The following BANK1 variants were observed in gnomAD, a reference collection of about 807,000 sequenced individuals.
The protein encoded by BANK1 is B cell scaffold protein with ankyrin repeats 1.
Under a neutral mutation model 94.5 loss-of-function variants are expected in BANK1, and 95 were observed. That is an observed-to-expected ratio of 1.00 (90% CI 0.85 to 1.19). The LOEUF is 1.19. Among genes scored for constraint, BANK1 ranks in the 50% most tolerant of loss-of-function variants. BANK1 has a pLI of 0.00. For missense variants in BANK1, 987 were observed against 932.2 expected (o/e 1.06, Z -0.77); for synonymous variants, 334 against 308.4 (o/e 1.08, Z -0.87).
chr4:101,995,715 A>G (rs1725855214), intron 7 of BANK1, among the ~76,000 whole-genome samples: 1 of 151,872 alleles, frequency 6.6e-6, no homozygotes, highest in Admixed American at 6.6e-5. Context: ...GCTTTTTTTC[A>G]TATGTTTTTT....
At chr4:101,985,767 A>C (rs952776426) in intron 7 of BANK1, among the ~76,000 whole-genome samples, 1 of 152,130 alleles carries the variant, frequency 6.6e-6, no homozygotes, top group African/African-American at 2.4e-5. Context: ...ATAAAAATCT[A>C]CATTCAACAT....
intron 4 of BANK1, 60 bp downstream of exon 4, chr4:101,862,724 T>G: frequency 7.0e-7 from 1 of 1,432,436 alleles, no homozygotes; most frequent in Non-Finnish European, 9.3e-7. Flanking sequence ...TCCAATAAAT[T>G]TATAATAAAT....
intron 7 of BANK1, among the ~76,000 whole-genome samples, chr4:101,919,099 A>G (rs1005352005): frequency 6.6e-6 from 1 of 151,884 alleles, no homozygotes. Flanking sequence ...CATTTTCATA[A>G]TTGTTCACTG....
chr4:102,027,440 T>A (rs1477539542), intron 9 of BANK1, among the ~76,000 whole-genome samples: 1 of 152,190 alleles, frequency 6.6e-6, no homozygotes, highest in Non-Finnish European at 1.5e-5. Context: ...ACCCTATTTT[T>A]ACATTTTATA....
Position 102,030,131 on chromosome 4 carries a change from A to T in BANK1, c.1766A>T (p.Asp589Val). Reference sequence around the variant, plus strand: ...GCTGAGATTGATGACAGTGAATATGACATGATATTGGCCAATCTGAGTATA... The same window carrying T: ...GCTGAGATTGATGACAGTGAATATGTCATGATATTGGCCAATCTGAGTATA... ...TFAEIDDSEY[D>V]MILANLSIKK... The change falls in exon 10 of 17, where the codon GAC (aspartate) becomes GTC (valine). Residue 589 changes from aspartate (D) to valine (V), a missense_variant. Physicochemically the swap from Asp to Val is radical, Grantham distance 152. Transcript: ENST00000322953. 6.2e-7 allele frequency: 1 copy of T among 1,614,082 alleles called. No individual in the cohort carries two copies. Among genetic ancestry groups the T allele is most frequent in the Non-Finnish European group, 8.5e-7 (1 of 1,179,990 alleles).
chr4:101,866,255 A>G (rs1728063294), intron 4 of BANK1, among the ~76,000 whole-genome samples: 1 of 152,158 alleles, frequency 6.6e-6, no homozygotes, highest in South Asian at 2.1e-4. Flanking sequence ...AAAGGTCAGA[A>G]AAGAATCATT....
At chr4:101,963,878 C>T (rs1445333995) in intron 7 of BANK1, among the ~76,000 whole-genome samples, 2 of 152,036 alleles carry the variant, frequency 1.3e-5, no homozygotes, top group Admixed American at 1.3e-4. Flanking sequence ...ACAATCTGTC[C>T]ATCCTTCAAT....
Position 101,866,662 on chromosome 4 carries a change from T to TCTTCA in BANK1, c.764-3843_764-3842insCTTCA, listed in dbSNP as rs1330433098. On this transcript the variant is annotated intron_variant, in intron 4 of 16. Coordinates refer to ENST00000322953, the MANE Select transcript of BANK1 (RefSeq NM_017935.5). The stretch of plus-strand genomic sequence containing the variant: ...CCATTTGACCCAGCCATCCCATTAC[T>TCTTCA]GGGTATATACCCAAAGGACTATAAA... Among the ~76,000 whole-genome samples the TCTTCA allele has an allele frequency of 3.2e-4, 16 of 49,642 alleles. 4 individuals are homozygous for TCTTCA. Among genetic ancestry groups the TCTTCA allele is most frequent in the African/African-American group, 8.6e-4 (6 of 7,012 alleles). 32.6% of individuals were successfully genotyped at this position (49,642 alleles called of 152,430 possible).
intron 7 of BANK1, among the ~76,000 whole-genome samples, chr4:101,925,128 T>A (rs945847888): frequency 9.9e-5 from 15 of 151,728 alleles, no homozygotes; most frequent in East Asian, 2.0e-4. Flanking sequence ...ATCATAATTT[T>A]ATTCCTAAAT....
At chr4:101,796,421 A>G (rs1241836400) in intron 1 of BANK1, among the ~76,000 whole-genome samples, 1 of 152,190 alleles carries the variant, frequency 6.6e-6, no homozygotes, top group Non-Finnish European at 1.5e-5. Flanking sequence ...TATTGTTAAA[A>G]TGATGTCTTC....
chr4:101,886,996 G>A (rs1208121149), intron 5 of BANK1, among the ~76,000 whole-genome samples: 4 of 152,128 alleles, frequency 2.6e-5, no homozygotes, highest in South Asian at 2.1e-4. Flanking sequence ...GAAGCTAGGT[G>A]TAGCCATATG....
intron 10 of BANK1, among the ~76,000 whole-genome samples, chr4:102,039,687 A>G (rs771780184): frequency 1.2e-4 from 18 of 152,228 alleles, no homozygotes; most frequent in Middle Eastern, 6.8e-3. Flanking sequence ...ACACCAAAAC[A>G]GAGGACAGTA....
chr4:101,880,058 T>A (rs949103671), intron 5 of BANK1, among the ~76,000 whole-genome samples: 1 of 152,042 alleles, frequency 6.6e-6, no homozygotes, highest in Non-Finnish European at 1.5e-5. Flanking sequence ...TTCACCATTG[T>A]TATTCAACAT....
At chr4:101,831,221 C>T (rs1402706626) in intron 2 of BANK1, among the ~76,000 whole-genome samples, 1 of 152,134 alleles carries the variant, frequency 6.6e-6, no homozygotes, top group East Asian at 1.9e-4. Flanking sequence ...ACAAGCCATT[C>T]CCAGAGTAGC....
intron 7 of BANK1, among the ~76,000 whole-genome samples, chr4:101,944,008 A>ATG (rs1200754912): frequency 2.7e-5 from 4 of 147,062 alleles, no homozygotes; most frequent in South Asian, 4.3e-4. Context: ...TAACCAGTAA[A>ATG]TGTGTGTGTG....
Position 102,006,204 on chromosome 4 carries a change from G to A in BANK1, c.1207-15310G>A, listed in dbSNP as rs192324378. On this transcript the variant is annotated intron_variant, in intron 7 of 16. Transcript: ENST00000322953. ...AGTTCTGAGAAAGATTAAATAACTTGTTCATCATCAGTCATCAGGAGCCAC... is the reference window on the plus strand; with the variant it reads ...AGTTCTGAGAAAGATTAAATAACTTATTCATCATCAGTCATCAGGAGCCAC... Among the ~76,000 whole-genome samples, 852 of 152,088 alleles carry A rather than the reference G, an allele frequency of 5.6e-3. 9 individuals carry two copies. The highest frequency in any genetic ancestry group is 0.019 in the African/African-American group (789 of 41,528).
chr4:101,995,909 G>C (rs1578443383), intron 7 of BANK1, among the ~76,000 whole-genome samples: 1 of 152,082 alleles, frequency 6.6e-6, no homozygotes, highest in Admixed American at 6.6e-5. Flanking sequence ...TTTTCACTCT[G>C]ATGATAGTTT....
At chr4:101,872,476 T>C (rs1460572166) in intron 5 of BANK1, among the ~76,000 whole-genome samples, 1 of 152,138 alleles carries the variant, frequency 6.6e-6, no homozygotes, top group Non-Finnish European at 1.5e-5. Flanking sequence ...GTCTAAATCT[T>C]CTGGCATCTG....
intron 3 of BANK1, among the ~76,000 whole-genome samples, chr4:101,855,632 A>G (rs958088293): frequency 9.9e-5 from 15 of 152,246 alleles, no homozygotes; most frequent in African/African-American, 3.4e-4. Flanking sequence ...TACAATTGCA[A>G]TAGCTCTCAA....
Sources: allele counts gnomAD v4.1 joint callset (sites outside exome capture counted in the v4.1 genomes callset), GRCh38; gene constraint gnomAD v4.1.1; transcripts MANE v1.5; gene names NCBI Gene and HGNC (gene_info 2026-07-23, HGNC 2026-07-21).